The following CREB5 variants were observed in gnomAD, a reference collection of about 807,000 sequenced individuals.
CREB5 encodes the protein cAMP responsive element binding protein 5.
In CREB5, 19 loss-of-function variants were observed where a neutral mutation model predicts 57.1. The ratio of observed to expected loss-of-function variants is 0.33; its 90% CI spans 0.23 to 0.49. The LOEUF (loss-of-function observed/expected upper bound fraction) is 0.49. CREB5 is among the 20% of genes least tolerant of loss of function. CREB5 has a pLI of 0.99. For missense variants in CREB5, 579 were observed against 671.6 expected (o/e 0.86, Z 1.52); for synonymous variants, 238 against 238.3 (o/e 1.00, Z 0.01).
At chr7:28,684,476 C>T (rs1279937179) in intron 5 of CREB5, among the ~76,000 whole-genome samples, 2 of 152,336 alleles carry the variant, frequency 1.3e-5, no homozygotes, top group Admixed American at 1.3e-4. Flanking sequence ...GCAAATATTG[C>T]TTTTTAACTC....
chr7:28,676,435 A>T (rs1056320288), intron 5 of CREB5, among the ~76,000 whole-genome samples: 3 of 152,108 alleles, frequency 2.0e-5, no homozygotes, highest in African/African-American at 7.2e-5. Flanking sequence ...CAGACACTTA[A>T]TTTCCACTTA....
At chr7:28,733,072 A>G (rs923180512) in intron 7 of CREB5, among the ~76,000 whole-genome samples, 8 of 152,106 alleles carry the variant, frequency 5.3e-5, no homozygotes, top group East Asian at 3.9e-4. Flanking sequence ...TTTTTATTTC[A>G]AAACAGCATA....
intron 1 of CREB5, among the ~76,000 whole-genome samples, chr7:28,457,276 T>C (rs1790136670): frequency 6.6e-6 from 1 of 152,126 alleles, no homozygotes; most frequent in South Asian, 2.1e-4. Flanking sequence ...GAGGGGACAT[T>C]CAAACCACAG....
intron 1 of CREB5, among the ~76,000 whole-genome samples, chr7:28,385,679 A>C (rs1229772369): frequency 1.3e-5 from 2 of 151,972 alleles, no homozygotes; most frequent in African/African-American, 4.8e-5. Context: ...CCTGTCTCAA[A>C]AAAAAAAAAG....
chr7:28,407,025 C>T (rs1466805201), intron 1 of CREB5, among the ~76,000 whole-genome samples: 1 of 151,658 alleles, frequency 6.6e-6, no homozygotes, highest in Non-Finnish European at 1.5e-5. Context: ...TGCCCTGTGC[C>T]AAACACAATT....
chr7:28,361,650 T>C (rs1174352561), intron 1 of CREB5, among the ~76,000 whole-genome samples: 4 of 152,218 alleles, frequency 2.6e-5, no homozygotes, highest in Non-Finnish European at 4.4e-5. Context: ...TAGAGCCTCT[T>C]GGTTCCTGTC....
At chr7:28,793,143 T>C (rs972463532) in intron 7 of CREB5, among the ~76,000 whole-genome samples, 2 of 152,074 alleles carry the variant, frequency 1.3e-5, no homozygotes, top group Non-Finnish European at 2.9e-5. Context: ...TCCTCTCATA[T>C]CGGTGGTGAG....
intron 4 of CREB5, among the ~76,000 whole-genome samples, chr7:28,561,187 TATATTCACTCAGCAA>T (rs1795259554): frequency 1.3e-5 from 2 of 152,214 alleles, no homozygotes; most frequent in Admixed American, 1.3e-4. Flanking sequence ...TACTGTTCTA[TATATTCACTCAGCAA>T]ACATCTATGT....
chr7:28,309,771 C>G (rs543123149), intron 1 of CREB5, among the ~76,000 whole-genome samples: 56 of 152,264 alleles, frequency 3.7e-4, no homozygotes, highest in Non-Finnish European at 5.7e-4. Context: ...TTGCTATTTC[C>G]AGGACAAGCC....
At chr7:28,310,569 G>T (rs1785258106) in intron 1 of CREB5, among the ~76,000 whole-genome samples, 1 of 152,188 alleles carries the variant, frequency 6.6e-6, no homozygotes, top group African/African-American at 2.4e-5. Flanking sequence ...CATCAATTTT[G>T]CTCTTTGGAG....
intron 4 of CREB5, among the ~76,000 whole-genome samples, chr7:28,559,338 A>G (rs1019996214): frequency 6.6e-6 from 1 of 152,110 alleles, no homozygotes; most frequent in African/African-American, 2.4e-5. Context: ...GTTTTTTGAG[A>G]CGGAGTCTGG....
At chr7:28,624,754 C>T (rs1797939702) in intron 5 of CREB5, among the ~76,000 whole-genome samples, 1 of 150,874 alleles carries the variant, frequency 6.6e-6, no homozygotes, top group Non-Finnish European at 1.5e-5. Context: ...CGCTGAACTT[C>T]TGTTAATTGT....
chr7:28,567,785 G>A lies in CREB5; in HGVS notation c.292-2580G>A, dbSNP rs115692734. Among the ~76,000 whole-genome samples the A allele has an allele frequency of 7.3e-3, 1,119 of 152,314 alleles. 11 individuals are homozygous for A. Among genetic ancestry groups the A allele is most frequent in the Non-Finnish European group, 0.011 (720 of 68,022 alleles). On this transcript the variant is annotated intron_variant, in intron 4 of 10. Coordinates refer to ENST00000357727, the MANE Select transcript of CREB5 (RefSeq NM_182898.4). ...TTAGTACGAGGGTAGGAAATATCTA[G>A]AATGTGGAATGAATCACATAGAGCA... is the stretch of plus-strand genomic sequence containing the variant.
chr7:28,417,916 T>C (rs1788089266), intron 1 of CREB5, among the ~76,000 whole-genome samples: 1 of 152,208 alleles, frequency 6.6e-6, no homozygotes, highest in South Asian at 2.1e-4. Flanking sequence ...CTTTCAAACG[T>C]GGGTGTTTTA....
At chr7:28,490,916 A>G (rs1791772387) in intron 2 of CREB5, among the ~76,000 whole-genome samples, 1 of 152,186 alleles carries the variant, frequency 6.6e-6, no homozygotes, top group Non-Finnish European at 1.5e-5. Flanking sequence ...GGCAACAGGC[A>G]GGGTAGAAAG....
At chr7:28,754,675 C>T (rs1399210191) in intron 7 of CREB5, among the ~76,000 whole-genome samples, 11 of 152,182 alleles carry the variant, frequency 7.2e-5, no homozygotes, top group African/African-American at 2.7e-4. Context: ...GCACGTAGCT[C>T]CCAGCCAACA....
At chr7:28,591,943 A>G (rs539259489) in intron 5 of CREB5, among the ~76,000 whole-genome samples, 10 of 152,046 alleles carry the variant, frequency 6.6e-5, no homozygotes, top group Non-Finnish European at 1.3e-4. Flanking sequence ...TTCCAATTGA[A>G]TTGAATTTGG....
At chr7:28,480,032 C>G (rs112346727) in intron 1 of CREB5, among the ~76,000 whole-genome samples, 3,048 of 145,372 alleles carry the variant, frequency 0.021, 71 homozygotes, top group African/African-American at 0.057. Context: ...ACCTCCCCCC[C>G]CCCACATTAT....
chr7:28,791,885 C>T (rs146284244), intron 7 of CREB5, among the ~76,000 whole-genome samples: 2 of 152,292 alleles, frequency 1.3e-5, no homozygotes, highest in African/African-American at 2.4e-5. Flanking sequence ...ACCCCCATTA[C>T]TTGTGTTGTA....
Sources: allele counts gnomAD v4.1 joint callset (sites outside exome capture counted in the v4.1 genomes callset), GRCh38; gene constraint gnomAD v4.1.1; transcripts MANE v1.5; gene names NCBI Gene and HGNC (gene_info 2026-07-23, HGNC 2026-07-21).